LHFPL3: variants seen among roughly 807,000 people sequenced by gnomAD.
LHFPL3 encodes LHFPL tetraspan subfamily member 3, also known as LHFPL tetraspan subfamily member 3 protein.
Under a neutral mutation model 19.3 loss-of-function variants are expected in LHFPL3, and 5 were observed. That is an observed-to-expected ratio of 0.26 (90% CI 0.14 to 0.54). The LOEUF is 0.54. Ranked by LOEUF, LHFPL3 falls within the 20% of genes least tolerant of loss-of-function variation. LHFPL3 has a pLI of 0.94. For synonymous variants in LHFPL3, 133 were observed against 126.2 expected, an observed-to-expected ratio of 1.05 and a Z score of -0.36; for missense variants, 249 against 307.4, an observed-to-expected ratio of 0.81 and a Z score of 1.42.
chr7:104,875,013 A>G (rs1298018857), intron 2 of LHFPL3, among the ~76,000 whole-genome samples: 1 of 148,466 alleles, frequency 6.7e-6, no homozygotes, highest in African/African-American at 2.5e-5. Flanking sequence ...CACCTGGGGA[A>G]TGTATTTTTT....
chr7:104,377,551 A>G (rs1208916569), intron 1 of LHFPL3, among the ~76,000 whole-genome samples: 2 of 152,218 alleles, frequency 1.3e-5, no homozygotes, highest in Non-Finnish European at 2.9e-5. Flanking sequence ...TAAGGAAATG[A>G]CAGAGTCTTT....
intron 1 of LHFPL3, among the ~76,000 whole-genome samples, chr7:104,496,432 G>A (rs967766538): frequency 1.6e-4 from 25 of 152,050 alleles, no homozygotes; most frequent in Non-Finnish European, 3.1e-4. Flanking sequence ...ATAAACATAC[G>A]TGTGCATGTG....
At chr7:104,515,002 T>A (rs1329930656) in intron 1 of LHFPL3, among the ~76,000 whole-genome samples, 1 of 152,158 alleles carries the variant, frequency 6.6e-6, no homozygotes, top group African/African-American at 2.4e-5. Flanking sequence ...GTCAAAGATA[T>A]TTGCAACCCA....
At chr7:104,823,009 T>G (rs1272271209) in intron 2 of LHFPL3, among the ~76,000 whole-genome samples, 1 of 152,044 alleles carries the variant, frequency 6.6e-6, no homozygotes, top group Non-Finnish European at 1.5e-5. Context: ...AGCCGTACGC[T>G]CTGCATGAAG....
chr7:104,860,490 G>C (rs1242262422), intron 2 of LHFPL3, among the ~76,000 whole-genome samples: 2 of 152,042 alleles, frequency 1.3e-5, no homozygotes, highest in African/African-American at 4.8e-5. Context: ...AAGACCTCTA[G>C]GTTTCCCAGG....
At chr7:104,683,114 G>A (rs952113975) in intron 1 of LHFPL3, among the ~76,000 whole-genome samples, 2 of 152,026 alleles carry the variant, frequency 1.3e-5, no homozygotes, top group Non-Finnish European at 1.5e-5. Context: ...CTCAGCCTCC[G>A]GAGTAGCTGG....
At chr7:104,503,224 T>A (rs1702314263) in intron 1 of LHFPL3, among the ~76,000 whole-genome samples, 2 of 152,078 alleles carry the variant, frequency 1.3e-5, no homozygotes, top group Non-Finnish European at 2.9e-5. Flanking sequence ...CACATATAAT[T>A]TTAAGTATAA....
chr7:104,465,902 G>A (rs73179948), intron 1 of LHFPL3, among the ~76,000 whole-genome samples: 2,148 of 152,204 alleles, frequency 0.014, 24 homozygotes, highest in Non-Finnish European at 0.02. Flanking sequence ...TTTTAGTTTT[G>A]ATTTCTGTTT....
intron 1 of LHFPL3, among the ~76,000 whole-genome samples, chr7:104,436,791 G>C (rs1210618701): frequency 6.6e-6 from 1 of 152,080 alleles, no homozygotes; most frequent in Non-Finnish European, 1.5e-5. Context: ...TGTTTCTCTT[G>C]ATATCATTAA....
intron 1 of LHFPL3, among the ~76,000 whole-genome samples, chr7:104,397,573 C>T (rs1224693782): frequency 1.4e-4 from 22 of 152,072 alleles, no homozygotes; most frequent in Non-Finnish European, 7.4e-5. Context: ...CCCCGGGGGA[C>T]GGCACTTTCC....
At chr7:104,868,552 A>C (rs1456069850) in intron 2 of LHFPL3, among the ~76,000 whole-genome samples, 1 of 152,224 alleles carries the variant, frequency 6.6e-6, no homozygotes, top group Admixed American at 6.5e-5. Context: ...AGAACTACAA[A>C]CCACGGCTCA....
intron 1 of LHFPL3, among the ~76,000 whole-genome samples, chr7:104,396,806 C>T (rs1791197483): frequency 6.6e-6 from 1 of 151,918 alleles, no homozygotes; most frequent in Non-Finnish European, 1.5e-5. Context: ...AAAACACACA[C>T]ACACACACAC....
chr7:104,376,551 T>C (rs1790717874), intron 1 of LHFPL3, among the ~76,000 whole-genome samples: 1 of 152,184 alleles, frequency 6.6e-6, no homozygotes, highest in Admixed American at 6.5e-5. Context: ...TTTTATGGAA[T>C]GTAGGTTTTC....
intron 1 of LHFPL3, among the ~76,000 whole-genome samples, chr7:104,682,327 A>C (rs1562964794): frequency 6.6e-6 from 1 of 152,174 alleles, no homozygotes. Flanking sequence ...CAGGTTTCAC[A>C]TGGGAGCTTG....
At chr7:104,557,302 T>A (rs1789864060) in intron 1 of LHFPL3, among the ~76,000 whole-genome samples, 1 of 152,202 alleles carries the variant, frequency 6.6e-6, no homozygotes, top group Non-Finnish European at 1.5e-5. Flanking sequence ...TTAATGGACT[T>A]ACAGTTCCAC....
intron 2 of LHFPL3, among the ~76,000 whole-genome samples, chr7:104,812,674 G>T (rs1790494528): frequency 6.6e-6 from 1 of 150,856 alleles, no homozygotes; most frequent in African/African-American, 2.4e-5. Flanking sequence ...CGAGGTGTCA[G>T]GCACCTGTAA....
At position 104,747,399 on chromosome 7, in the gene LHFPL3, T is replaced by C. The variant is rs185239962; in HGVS notation, c.682+10488T>C. On this transcript the variant is annotated intron_variant, in intron 2 of 2. Coordinates refer to ENST00000424859, the MANE Select transcript of LHFPL3 (RefSeq NM_199000.3). ...CAGAAGTAACGGAGGGAAGAGATTC[T>C]GCCCAGGCAGAAGAAACAATAAAGA... Among the ~76,000 whole-genome samples the C allele has an allele frequency of 2.5e-4, 38 of 152,346 alleles. No individual in the cohort carries two copies. In the East Asian group the frequency reaches 4.2e-3, roughly 17 times the overall value.
chr7:104,621,833 T>G (rs1791451440), intron 1 of LHFPL3, among the ~76,000 whole-genome samples: 1 of 152,080 alleles, frequency 6.6e-6, no homozygotes, highest in African/African-American at 2.4e-5. Context: ...AACCTTAACT[T>G]TATAGCAACT....
At chr7:104,485,992 C>T (rs1305856544) in intron 1 of LHFPL3, among the ~76,000 whole-genome samples, 1 of 152,292 alleles carries the variant, frequency 6.6e-6, no homozygotes, top group Non-Finnish European at 1.5e-5. Context: ...TTCAGTAATC[C>T]TTTCAGGGAA....
Sources: gnomAD v4.1 joint callset for allele counts (sites outside exome capture counted in the v4.1 genomes callset) on GRCh38, gnomAD v4.1.1 for gene constraint, MANE v1.5 for transcripts, NCBI Gene and HGNC (gene_info 2026-07-23, HGNC 2026-07-21) for gene names.